NEDD4L: variants seen among roughly 807,000 people sequenced by gnomAD.
The protein encoded by NEDD4L is E3 ubiquitin-protein ligase NEDD4-like.
NEDD4L carries 54 observed loss-of-function variants against 148.9 expected under a neutral mutation model. That is an observed-to-expected ratio of 0.36 (90% CI 0.29 to 0.45). NEDD4L has a LOEUF of 0.45. NEDD4L is among the 20% of genes least tolerant of loss of function. The pLI, the probability that NEDD4L is intolerant of heterozygous loss-of-function variation, is 1.00. For synonymous variants in NEDD4L, 433 were observed against 440.7 expected, an observed-to-expected ratio of 0.98 and a Z score of 0.22; for missense variants, 856 against 1,233.8, an observed-to-expected ratio of 0.69 and a Z score of 4.59.
At chr18:58,255,852 C>G in intron 5 of NEDD4L, 2 of 1,232,476 alleles carry the variant, frequency 1.6e-6, no homozygotes, top group Non-Finnish European at 1.0e-6. Context: ...CGGAGCTCGT[C>G]CATGTTCATC....
rs1327012724 is a variant in NEDD4L at position 58,072,903 on chromosome 18, C to CACACAAAT, written c.48+28198_48+28199insCAAATACA. On this transcript the variant is annotated intron_variant, in intron 1 of 30. Coordinates refer to ENST00000400345, the MANE Select transcript of NEDD4L (RefSeq NM_001144967.3). ...ACACACACACACACACACACACACA[C>CACACAAAT]ACAAATCTTGAACTAATAATTGAGT... 1.8e-3 allele frequency among the ~76,000 whole-genome samples: 261 copies of CACACAAAT among 148,216 alleles called. 2 individuals carry two copies. The highest frequency in any genetic ancestry group is 6.4e-3 in the African/African-American group (250 of 39,130).
At chr18:58,183,357 G>A (rs1186409610) in intron 2 of NEDD4L, among the ~76,000 whole-genome samples, 17 of 152,138 alleles carry the variant, frequency 1.1e-4, no homozygotes, top group Non-Finnish European at 4.4e-5. Context: ...AAGTTAATAC[G>A]GGTTTGGCAC....
intron 1 of NEDD4L, among the ~76,000 whole-genome samples, chr18:58,143,019 C>T (rs568059456): frequency 4.6e-5 from 7 of 152,138 alleles, no homozygotes; most frequent in Admixed American, 2.0e-4. Context: ...AGGCAGCATG[C>T]GGAGCAGACA....
chr18:58,070,608 G>T (rs969513425), intron 1 of NEDD4L, among the ~76,000 whole-genome samples: 1 of 152,000 alleles, frequency 6.6e-6, no homozygotes, highest in Admixed American at 6.6e-5. Context: ...CTGCTGTGGC[G>T]ATCTTGAGGC....
chr18:58,363,551 A>G (rs1477429909), intron 19 of NEDD4L, among the ~76,000 whole-genome samples: 1 of 152,238 alleles, frequency 6.6e-6, no homozygotes, highest in African/African-American at 2.4e-5. Flanking sequence ...GATTATTTAA[A>G]TGACTACATT....
intron 26 of NEDD4L, 51 bp downstream of exon 26, chr18:58,385,637 G>T: frequency 6.9e-7 from 1 of 1,440,652 alleles, no homozygotes. Flanking sequence ...GTCCCGGGTC[G>T]ATGGGGGATC....
At chr18:58,057,526 G>A (rs2082142642) in intron 1 of NEDD4L, among the ~76,000 whole-genome samples, 1 of 152,186 alleles carries the variant, frequency 6.6e-6, no homozygotes, top group Non-Finnish European at 1.5e-5. Flanking sequence ...GCACCTGGAT[G>A]GGGTAGGCAC....
intron 16 of NEDD4L, among the ~76,000 whole-genome samples, chr18:58,344,694 C>T (rs1488306386): frequency 6.6e-6 from 1 of 151,042 alleles, no homozygotes; most frequent in Non-Finnish European, 1.5e-5. Context: ...ACGGGCAGCT[C>T]GTTGGAAAAT....
Position 58,095,012 on chromosome 18 carries a change from C to T in NEDD4L, c.48+50304C>T, listed in dbSNP as rs17064342. Among the ~76,000 whole-genome samples the T allele has an allele frequency of 1.2e-4, 19 of 152,106 alleles. No individual in the cohort carries two copies. In the East Asian group the frequency reaches 2.1e-3, roughly 17 times the overall value. On this transcript the variant is annotated intron_variant, in intron 1 of 30. Transcript: ENST00000400345. Reference sequence around the variant, plus strand: ...ACCACAGAGTTGCTGACACATTAGACGATCTAGATATGTGTCTGAGATTTT... The same window carrying T: ...ACCACAGAGTTGCTGACACATTAGATGATCTAGATATGTGTCTGAGATTTT...
chr18:58,091,743 G>A (rs1568203497), intron 1 of NEDD4L: 1 of 152,222 alleles, frequency 6.6e-6, no homozygotes, highest in East Asian at 1.9e-4. Flanking sequence ...TTTCATTTAG[G>A]TGGGAGTCCT....
chr18:58,193,654 T>C (rs928683350), intron 2 of NEDD4L, among the ~76,000 whole-genome samples: 1 of 152,258 alleles, frequency 6.6e-6, no homozygotes, highest in Non-Finnish European at 1.5e-5. Context: ...GAGACCCTGC[T>C]GGACCTAGAT....
At chr18:58,337,075 C>T (rs551471435) in intron 13 of NEDD4L, among the ~76,000 whole-genome samples, 2 of 152,238 alleles carry the variant, frequency 1.3e-5, no homozygotes, top group Admixed American at 6.5e-5. Context: ...CAGTACCAGG[C>T]TCCATGGCAA....
At chr18:58,096,334 ATTATTTTATTTTAT>A (rs1261291876) in intron 1 of NEDD4L, among the ~76,000 whole-genome samples, 56 of 147,436 alleles carry the variant, frequency 3.8e-4, no homozygotes, top group South Asian at 8.5e-4. Flanking sequence ...CCTTAGTGTG[ATTATTTTATTTTAT>A]TTATTTTATT....
At chr18:58,186,114 G>A (rs1390900006) in intron 2 of NEDD4L, among the ~76,000 whole-genome samples, 1 of 149,454 alleles carries the variant, frequency 6.7e-6, no homozygotes, top group Non-Finnish European at 1.5e-5. Flanking sequence ...CACGGGAACA[G>A]AGAAGGATGC....
chr18:58,262,032 G>T (rs1216308660), intron 5 of NEDD4L, among the ~76,000 whole-genome samples: 2 of 152,122 alleles, frequency 1.3e-5, no homozygotes, highest in African/African-American at 4.8e-5. Context: ...ATTCGGACAG[G>T]TTATCATCCT....
intron 18 of NEDD4L, among the ~76,000 whole-genome samples, chr18:58,353,285 T>G (rs1158659949): frequency 6.6e-6 from 1 of 152,228 alleles, no homozygotes; most frequent in Non-Finnish European, 1.5e-5. Context: ...CTCATTTCAC[T>G]TGACTAGAGC....
intron 5 of NEDD4L, among the ~76,000 whole-genome samples, chr18:58,307,698 C>T (rs2057230587): frequency 6.6e-6 from 1 of 152,062 alleles, no homozygotes; most frequent in South Asian, 2.1e-4. Context: ...GGTTCAGATG[C>T]CCGGAGATAT....
intron 5 of NEDD4L, among the ~76,000 whole-genome samples, chr18:58,270,717 T>C (rs951560199): frequency 1.9e-4 from 29 of 152,152 alleles, no homozygotes; most frequent in African/African-American, 5.8e-4. Context: ...ATTGTTTCTT[T>C]CTGATTTCTA....
At chr18:58,336,734 T>C (rs117601462) in intron 13 of NEDD4L, among the ~76,000 whole-genome samples, 2 of 152,350 alleles carry the variant, frequency 1.3e-5, no homozygotes, top group East Asian at 3.9e-4. Flanking sequence ...AAAATCAAAC[T>C]GGCAACAGTC....
Sources: allele counts gnomAD v4.1 joint callset (sites outside exome capture counted in the v4.1 genomes callset), GRCh38; gene constraint gnomAD v4.1.1; transcripts MANE v1.5; gene names NCBI Gene and HGNC (gene_info 2026-07-23, HGNC 2026-07-21).